CYP4Z1: variants seen among roughly 807,000 people sequenced by gnomAD.
CYP4Z1 encodes the protein cytochrome P450 4Z1.
Under a neutral mutation model 54.2 loss-of-function variants are expected in CYP4Z1, and 41 were observed. That is an observed-to-expected ratio of 0.76 (90% CI 0.59 to 0.98). The LOEUF (loss-of-function observed/expected upper bound fraction) is 0.98. CYP4Z1 is among the 50% of genes least tolerant of loss of function. The probability of loss-of-function intolerance (pLI) is 0.00; values close to 1 mark genes in which losing one functional copy is unlikely to be tolerated. For missense variants in CYP4Z1, 513 were observed against 599.0 expected (o/e 0.86, Z 1.50); for synonymous variants, 163 against 206.2 (o/e 0.79, Z 1.79).
At chr1:47,090,169 A>T (rs61565782) in intron 6 of CYP4Z1, among the ~76,000 whole-genome samples, 22,038 of 151,818 alleles carry the variant, frequency 0.15, 579 homozygotes, top group African/African-American at 0.28. Flanking sequence ...AAAGTGGATT[A>T]TATTATGAAC....
At chr1:47,090,738 AG>A (rs1369886610) in intron 6 of CYP4Z1, among the ~76,000 whole-genome samples, 2 of 151,208 alleles carry the variant, frequency 1.3e-5, no homozygotes, top group East Asian at 3.9e-4. Flanking sequence ...CTGAGCTGTC[AG>A]GGGTTGCTCC....
At chr1:47,109,009 T>G (rs1644775608) in intron 9 of CYP4Z1, among the ~76,000 whole-genome samples, 1 of 152,058 alleles carries the variant, frequency 6.6e-6, no homozygotes, top group African/African-American at 2.4e-5. Context: ...TATATTTCCA[T>G]ACTTAGGTAT....
intron 9 of CYP4Z1, among the ~76,000 whole-genome samples, chr1:47,114,318 G>A (rs919986675): frequency 4.6e-5 from 7 of 152,026 alleles, no homozygotes; most frequent in African/African-American, 1.7e-4. Context: ...AGACTTAAAT[G>A]TTAGACCTAA....
intron 1 of CYP4Z1, 32 bp downstream of exon 1, chr1:47,067,699 G>C: frequency 6.5e-7 from 1 of 1,545,330 alleles, no homozygotes. Context: ...GGGAGGTTAA[G>C]GGACAGAAAG....
intron 8 of CYP4Z1, among the ~76,000 whole-genome samples, chr1:47,102,213 A>G (rs1644726668): frequency 6.6e-6 from 1 of 152,164 alleles, no homozygotes; most frequent in Admixed American, 6.5e-5. Flanking sequence ...CAGCCAATGT[A>G]TACCTTTTAA....
chr1:47,102,758 C>A (rs756718197), intron 8 of CYP4Z1, among the ~76,000 whole-genome samples: 31 of 152,126 alleles, frequency 2.0e-4, no homozygotes, highest in Non-Finnish European at 3.2e-4. Context: ...TTAGCATTTT[C>A]TCTTCATCTT....
At chr1:47,089,395 C>T (rs1468770499) in intron 6 of CYP4Z1, among the ~76,000 whole-genome samples, 1 of 151,644 alleles carries the variant, frequency 6.6e-6, no homozygotes, top group Non-Finnish European at 1.5e-5. Context: ...CAAAATATTA[C>T]AGCAATTAGA....
intron 11 of CYP4Z1, 124 bp downstream of exon 11, chr1:47,116,856 G>A: frequency 2.9e-6 from 2 of 684,200 alleles, no homozygotes; most frequent in South Asian, 5.1e-5. Context: ...TACCTGGCTT[G>A]TCTTCTCTTG....
chr1:47,080,027 G>A (rs1372295500), intron 2 of CYP4Z1, among the ~76,000 whole-genome samples: 2 of 151,752 alleles, frequency 1.3e-5, no homozygotes, highest in Non-Finnish European at 2.9e-5. Flanking sequence ...TTTCCTAGAT[G>A]TTCATATGTT....
At chr1:47,074,451 C>T (rs1416548026) in intron 2 of CYP4Z1, among the ~76,000 whole-genome samples, 1 of 152,090 alleles carries the variant, frequency 6.6e-6, no homozygotes, top group Non-Finnish European at 1.5e-5. Context: ...TAATGTCCTG[C>T]ACCTGCATCC....
intron 2 of CYP4Z1, among the ~76,000 whole-genome samples, chr1:47,080,089 G>A (rs1644552529): frequency 6.8e-6 from 1 of 146,956 alleles, no homozygotes; most frequent in East Asian, 2.2e-4. Flanking sequence ...GATGTTGATG[G>A]AATGAATAAA....
chr1:47,094,786 T>G lies in CYP4Z1; in HGVS notation c.876+117T>G. ...ATTTTGGGAGGCCAAGGCGGGCAGA[T>G]CACTTGAGGTCAGGAGTTTGAGACA... On this transcript the variant is annotated intron_variant, in intron 7 of 11. Transcript: ENST00000334194. 8.4e-6 allele frequency: 5 copies of G among 594,298 alleles called. No homozygotes were observed. In the South Asian group the frequency reaches 9.4e-5, roughly 11 times the overall value. 36.8% of individuals were successfully genotyped at this position (594,298 alleles called of 1,614,324 possible).
At chr1:47,099,984 C>G (rs1361734910) in intron 8 of CYP4Z1, among the ~76,000 whole-genome samples, 1 of 151,858 alleles carries the variant, frequency 6.6e-6, no homozygotes, top group African/African-American at 2.4e-5. Context: ...ATCACAAACC[C>G]CTTCTATTTC....
At position 47,109,673 on chromosome 1, in the gene CYP4Z1, A is replaced by G. The variant is rs80233014; in HGVS notation, c.1201+3412A>G. 4.8e-3 allele frequency among the ~76,000 whole-genome samples: 735 copies of G among 152,328 alleles called. 12 individuals carry two copies. The highest frequency in any genetic ancestry group is 0.046 in the East Asian group (239 of 5,182). ...CTTTTCACTAATCTTATTAAGAGATATTTTGAGCCTTGCTCAGAATTACCT... is the reference window on the plus strand; with the variant it reads ...CTTTTCACTAATCTTATTAAGAGATGTTTTGAGCCTTGCTCAGAATTACCT... On this transcript the variant is annotated intron_variant, in intron 9 of 11. Coordinates refer to ENST00000334194, the MANE Select transcript of CYP4Z1 (RefSeq NM_178134.3).
chr1:47,076,557 T>C (rs111343017), intron 2 of CYP4Z1, among the ~76,000 whole-genome samples: 2,677 of 152,198 alleles, frequency 0.018, 81 homozygotes, highest in African/African-American at 0.062. Flanking sequence ...TTTAAGAATG[T>C]CTTGTTGGCC....
chr1:47,100,215 A>G (rs1196871762), intron 8 of CYP4Z1, among the ~76,000 whole-genome samples: 2 of 152,102 alleles, frequency 1.3e-5, no homozygotes, highest in Admixed American at 6.5e-5. Flanking sequence ...TCCTCTATGG[A>G]ATTCCGTTAT....
chr1:47,086,413 G>T (rs959444524), intron 6 of CYP4Z1, among the ~76,000 whole-genome samples: 1 of 152,172 alleles, frequency 6.6e-6, no homozygotes, highest in Admixed American at 6.5e-5. Context: ...GTATCTCATT[G>T]TGGTTTTGAT....
chr1:47,084,918 A>C lies in CYP4Z1; in HGVS notation c.712A>C (p.Lys238Gln), dbSNP rs774507515. The C allele has an allele frequency of 1.3e-5, 20 of 1,547,930 alleles. No individual in the cohort carries two copies. The highest frequency in any genetic ancestry group is 1.8e-5 in the Non-Finnish European group (20 of 1,137,866). ...NFLHHNDLVFKFSSQGQIFSK... is the reference protein window; with the variant it reads ...NFLHHNDLVFQFSSQGQIFSK... Reference sequence around the variant, plus strand: ...TCTACATCACAACGACCTGGTTTTCAAATTCAGCTCTCAAGGCCAAATCTT... The same window carrying C: ...TCTACATCACAACGACCTGGTTTTCCAATTCAGCTCTCAAGGCCAAATCTT... Residue 238 changes from lysine (K) to glutamine (Q), a missense_variant, in exon 6 of 12, where the codon AAA (lysine) becomes CAA (glutamine). Physicochemically the swap from Lys to Gln is moderately conservative, Grantham distance 53. Transcript: ENST00000334194.
At chr1:47,090,943 TG>T (rs1356152065) in intron 6 of CYP4Z1, among the ~76,000 whole-genome samples, 1 of 132,564 alleles carries the variant, frequency 7.5e-6, no homozygotes, top group African/African-American at 3.1e-5. Context: ...TTCTTGGGAT[TG>T]GGTTCTTGTT....
Sources: gnomAD v4.1 joint callset for allele counts (sites outside exome capture counted in the v4.1 genomes callset) on GRCh38, gnomAD v4.1.1 for gene constraint, MANE v1.5 for transcripts, NCBI Gene and HGNC (gene_info 2026-07-23, HGNC 2026-07-21) for gene names.